The following PRIMPOL variants were observed in gnomAD, a reference collection of about 807,000 sequenced individuals.
The protein encoded by PRIMPOL is primase and DNA directed polymerase.
PRIMPOL carries 54 observed loss-of-function variants against 63.6 expected under a neutral mutation model. That is an observed-to-expected ratio of 0.85 (90% CI 0.68 to 1.07). The LOEUF is 1.07. Among genes scored for constraint, PRIMPOL ranks in the 50% least tolerant of loss-of-function variants. The pLI is 0.00. For missense variants in PRIMPOL, 610 were observed against 648.3 expected (o/e 0.94, Z 0.64); for synonymous variants, 197 against 220.2 (o/e 0.89, Z 0.93).
intron 8 of PRIMPOL, among the ~76,000 whole-genome samples, chr4:184,679,602 C>T (rs1755053054): frequency 6.6e-6 from 1 of 152,170 alleles, no homozygotes; most frequent in African/African-American, 2.4e-5. Context: ...TTGTTTTTCT[C>T]ATCCATGTTA....
intron 7 of PRIMPOL, among the ~76,000 whole-genome samples, chr4:184,673,360 A>G (rs1752395813): frequency 6.6e-6 from 1 of 150,756 alleles, no homozygotes; most frequent in South Asian, 2.1e-4. Flanking sequence ...CGATCTCCTG[A>G]CGTTGTCATC....
chr4:184,686,425 G>C (rs1189769266), intron 11 of PRIMPOL, among the ~76,000 whole-genome samples: 1 of 152,180 alleles, frequency 6.6e-6, no homozygotes, highest in Non-Finnish European at 1.5e-5. Context: ...AGCTAGGATT[G>C]TGTTAACTCG....
chr4:184,651,539 T>G (rs1744487601), intron 1 of PRIMPOL, among the ~76,000 whole-genome samples: 1 of 152,226 alleles, frequency 6.6e-6, no homozygotes, highest in South Asian at 2.1e-4. Flanking sequence ...AACTAGTCCT[T>G]ATCCTATTGT....
At chr4:184,660,565 T>C (rs568822798) in intron 4 of PRIMPOL, among the ~76,000 whole-genome samples, 104 of 152,340 alleles carry the variant, frequency 6.8e-4, no homozygotes, top group Non-Finnish European at 1.2e-3. Flanking sequence ...TAGAATACTT[T>C]TATTCAAATG....
intron 13 of PRIMPOL, 71 bp from the exon 14 acceptor site, chr4:184,694,450 TA>T: frequency 5.2e-6 from 8 of 1,537,850 alleles, no homozygotes; most frequent in Non-Finnish European, 7.0e-6. Context: ...ACATAGAGTA[TA>T]AGGTTAAATC....
At chr4:184,685,870 C>T (rs886752743) in intron 11 of PRIMPOL, among the ~76,000 whole-genome samples, 186 bp downstream of exon 11, 3 of 152,012 alleles carry the variant, frequency 2.0e-5, no homozygotes, top group Admixed American at 6.5e-5. Flanking sequence ...GGCGCGATCG[C>T]GGCTCAGTGC....
intron 4 of PRIMPOL, among the ~76,000 whole-genome samples, chr4:184,660,752 T>C (rs1210507574): frequency 6.6e-6 from 1 of 152,186 alleles, no homozygotes; most frequent in African/African-American, 2.4e-5. Context: ...TATGTATGTG[T>C]ATGTGTGTGT....
At chr4:184,691,409 T>C (rs2150171786) in intron 11 of PRIMPOL, 90 bp from the exon 12 acceptor site, 1 of 737,144 alleles carries the variant, frequency 1.4e-6, no homozygotes, top group South Asian at 1.7e-5. Flanking sequence ...CTTTAAGTCT[T>C]AGGCATATTT....
intron 9 of PRIMPOL, among the ~76,000 whole-genome samples, chr4:184,684,810 TGA>T (rs1159009387): frequency 6.6e-6 from 1 of 152,060 alleles, no homozygotes; most frequent in African/African-American, 2.4e-5. Flanking sequence ...AAAGCTTAAC[TGA>T]AAGGAAATCA....
At chr4:184,668,449 C>CGTA (rs1286790794) in intron 6 of PRIMPOL, among the ~76,000 whole-genome samples, 3 of 152,222 alleles carry the variant, frequency 2.0e-5, no homozygotes, top group Non-Finnish European at 4.4e-5. Flanking sequence ...GCATGGATGC[C>CGTA]GTAGCTTGCA....
chr4:184,662,091 T>G (rs901296535), intron 5 of PRIMPOL, among the ~76,000 whole-genome samples, 188 bp downstream of exon 5: 3 of 152,200 alleles, frequency 2.0e-5, no homozygotes, highest in African/African-American at 7.2e-5. Flanking sequence ...AAGTTCAATT[T>G]GTGTTCATAT....
In PRIMPOL at chr4:184,667,345, C is replaced by T. The variant is rs562008421; in HGVS notation, c.556+1281C>T. Among the ~76,000 whole-genome samples, 11 of 152,162 alleles carry T rather than the reference C, an allele frequency of 7.2e-5. No individual in the cohort carries two copies. The South Asian group carries it at 2.3e-3, about 32-fold the overall frequency. On this transcript the variant is annotated intron_variant, in intron 6 of 13. Coordinates refer to ENST00000314970, the MANE Select transcript of PRIMPOL (RefSeq NM_152683.4). ...TTTTTTTTTGAGACAGAGTCTCGCT[C>T]TGTCGCCCAGGCTGGAGTGCAGTGG...
intron 13 of PRIMPOL, among the ~76,000 whole-genome samples, chr4:184,693,762 T>TTGA (rs61520847): frequency 0.18 from 27,363 of 152,142 alleles, 2,781 homozygotes; most frequent in African/African-American, 0.27. Flanking sequence ...CGCATTATTT[T>TTGA]TGATGACTCT....
chr4:184,684,013 G>A (rs1490580392), intron 9 of PRIMPOL, among the ~76,000 whole-genome samples: 1 of 150,174 alleles, frequency 6.7e-6, no homozygotes, highest in Non-Finnish European at 1.5e-5. Flanking sequence ...TTATTTTCTT[G>A]TCTTATATGT....
intron 9 of PRIMPOL, among the ~76,000 whole-genome samples, chr4:184,684,434 C>CG (rs1561066378): frequency 0.012 from 1,349 of 117,126 alleles, 25 homozygotes; most frequent in African/African-American, 0.041. Context: ...CCAGCCTGGG[C>CG]AACAGAGCAA....
At chr4:184,675,712 G>A (rs774133016) in intron 7 of PRIMPOL, among the ~76,000 whole-genome samples, 10 of 152,118 alleles carry the variant, frequency 6.6e-5, no homozygotes, top group African/African-American at 9.7e-5. Flanking sequence ...AGCTACTCAG[G>A]AGGCTGAGAC....
chr4:184,688,805 C>T (rs1022783445), intron 11 of PRIMPOL, among the ~76,000 whole-genome samples: 2 of 152,148 alleles, frequency 1.3e-5, no homozygotes, highest in African/African-American at 2.4e-5. Context: ...GAACTCCTAG[C>T]GTTTGGTCCA....
At chr4:184,685,341 C>T (rs1257618585) in intron 9 of PRIMPOL, 68 bp from the exon 10 acceptor site, 1 of 1,174,652 alleles carries the variant, frequency 8.5e-7, no homozygotes, top group African/African-American at 1.5e-5. Flanking sequence ...TGCTCAACAA[C>T]ATTTAATCAA....
In PRIMPOL at chr4:184,691,592, A is replaced by G. The variant is rs1206847448; in HGVS notation, c.1378+11A>G. 1.2e-6 allele frequency: 2 copies of G among 1,603,556 alleles called. No individual in the cohort carries two copies. The highest frequency in any genetic ancestry group is 1.7e-6 in the Non-Finnish European group (2 of 1,171,298). The stretch of plus-strand genomic sequence containing the variant: ...ACTTCAAATCTGACTGTAAGTTACT[A>G]ATTTTTACATTTACCACAAAGTAAA... On this transcript the variant is annotated intron_variant, in intron 12 of 13. Coordinates refer to ENST00000314970, the MANE Select transcript of PRIMPOL (RefSeq NM_152683.4).
Sources: allele counts gnomAD v4.1 joint callset (sites outside exome capture counted in the v4.1 genomes callset), GRCh38; gene constraint gnomAD v4.1.1; transcripts MANE v1.5; gene names NCBI Gene and HGNC (gene_info 2026-07-23, HGNC 2026-07-21).